IL1RAPL1: variants seen among roughly 807,000 people sequenced by gnomAD.
IL1RAPL1 encodes interleukin-1 receptor accessory protein-like 1.
A neutral mutation model predicts 48.4 loss-of-function variants in IL1RAPL1; 3 were observed. The observed-to-expected ratio is 0.06, with a 90% CI of 0.03 to 0.16. The LOEUF (loss-of-function observed/expected upper bound fraction) is 0.16, where lower values mean the gene tolerates loss of function less well. IL1RAPL1 is among the 10% of genes least tolerant of loss of function. The probability of loss-of-function intolerance (pLI) is 1.00; values close to 1 mark genes in which losing one functional copy is unlikely to be tolerated. For missense variants in IL1RAPL1, 349 were observed against 530.6 expected (o/e 0.66, Z 3.36); for synonymous variants, 185 against 187.7 (o/e 0.99, Z 0.12).
At chrX:29,000,860 A>T (rs1174672398) in intron 2 of IL1RAPL1, among the ~76,000 whole-genome samples, 1 of 101,582 alleles carries the variant, frequency 9.8e-6, no homozygotes. Flanking sequence ...AAAGGAGACT[A>T]TTTCTCAGTA....
At chrX:28,709,511 G>A (rs915916598) in intron 1 of IL1RAPL1, among the ~76,000 whole-genome samples, 13 of 110,898 alleles carry the variant, frequency 1.2e-4, no homozygotes, top group African/African-American at 3.6e-4. Flanking sequence ...AGAATTGCCA[G>A]TTTTATCAGA....
intron 2 of IL1RAPL1, among the ~76,000 whole-genome samples, chrX:28,891,708 G>A (rs756637096): frequency 9.0e-6 from 1 of 111,637 alleles, no homozygotes; most frequent in South Asian, 3.7e-4. Flanking sequence ...TCCACCTCTT[G>A]GTTATTATGA....
intron 2 of IL1RAPL1, among the ~76,000 whole-genome samples, chrX:28,832,328 C>T (rs1002974658): frequency 9.9e-5 from 11 of 110,987 alleles, no homozygotes; most frequent in South Asian, 3.8e-4. Context: ...TTTATTTACT[C>T]GAAGTACTCT....
intron 2 of IL1RAPL1, among the ~76,000 whole-genome samples, chrX:29,211,734 C>T (rs898302710): frequency 6.3e-5 from 7 of 110,774 alleles, no homozygotes; most frequent in African/African-American, 1.0e-4. Flanking sequence ...ATTCCTAATC[C>T]GTACGAGACT....
chrX:29,478,721 A>T (rs1457132368), intron 5 of IL1RAPL1, among the ~76,000 whole-genome samples: 1 of 110,781 alleles, frequency 9.0e-6, no homozygotes, highest in Non-Finnish European at 1.9e-5. Flanking sequence ...CTCCACTGCG[A>T]TGACTGCCTT....
intron 6 of IL1RAPL1, among the ~76,000 whole-genome samples, chrX:29,705,081 A>C (rs1927157298): frequency 8.9e-6 from 1 of 112,014 alleles, no homozygotes; most frequent in Admixed American, 9.5e-5. Flanking sequence ...AATATTAATA[A>C]ATTTACTATG....
intron 1 of IL1RAPL1, among the ~76,000 whole-genome samples, chrX:28,768,625 A>G (rs985024328): frequency 9.6e-5 from 10 of 104,411 alleles, no homozygotes; most frequent in African/African-American, 3.1e-4. Flanking sequence ...TGAAATTCCT[A>G]ATCAATGTAA....
At chrX:28,613,865 A>T (rs1244241782) in intron 1 of IL1RAPL1, among the ~76,000 whole-genome samples, 1 of 112,285 alleles carries the variant, frequency 8.9e-6, no homozygotes, top group Non-Finnish European at 1.9e-5. Flanking sequence ...ATTAATTTTA[A>T]CTCTGAGAGA....
intron 2 of IL1RAPL1, among the ~76,000 whole-genome samples, chrX:29,262,563 T>C (rs1931878678): frequency 9.1e-6 from 1 of 109,295 alleles, no homozygotes; most frequent in East Asian, 2.9e-4. Context: ...CTCGGGAGGC[T>C]GAAGCAGGAG....
chrX:29,553,847 A>ATAC (rs1239719832), intron 5 of IL1RAPL1, among the ~76,000 whole-genome samples: 1 of 110,983 alleles, frequency 9.0e-6, no homozygotes, highest in Admixed American at 9.6e-5. Flanking sequence ...TCTGACTCTC[A>ATAC]TACTAATCCA....
intron 5 of IL1RAPL1, among the ~76,000 whole-genome samples, chrX:29,506,495 C>T (rs1273330777): frequency 2.0e-5 from 2 of 99,862 alleles, no homozygotes; most frequent in East Asian, 3.2e-4. Context: ...TTTGTGCGTG[C>T]GTGCATGTAT....
intron 10 of IL1RAPL1, 27 bp from the exon 11 acceptor site, chrX:29,955,075 T>G (rs1404959714): frequency 8.6e-7 from 1 of 1,161,401 alleles, no homozygotes; most frequent in Admixed American, 2.2e-5. Context: ...ATTCACTCAT[T>G]TTGATGCACT....
chrX:29,297,713 C>T (rs749137736), intron 3 of IL1RAPL1, among the ~76,000 whole-genome samples: 23 of 111,982 alleles, frequency 2.1e-4, no homozygotes, highest in African/African-American at 6.8e-4. Context: ...TACTGAAAAT[C>T]GAGCTGGATC....
At chrX:29,734,828 T>G in intron 6 of IL1RAPL1, among the ~76,000 whole-genome samples, 1 of 111,035 alleles carries the variant, frequency 9.0e-6, no homozygotes, top group Admixed American at 9.6e-5. Flanking sequence ...AAACCTAAGG[T>G]TGTATGAGAG....
intron 6 of IL1RAPL1, among the ~76,000 whole-genome samples, chrX:29,863,642 A>T (rs1931635563): frequency 8.9e-6 from 1 of 112,228 alleles, no homozygotes. Flanking sequence ...AATAAAAAAG[A>T]TACTTTTCCA....
At chrX:29,531,455 G>A (rs1330456462) in intron 5 of IL1RAPL1, among the ~76,000 whole-genome samples, 1 of 111,494 alleles carries the variant, frequency 9.0e-6, no homozygotes, top group Non-Finnish European at 1.9e-5. Flanking sequence ...AATTGCATGA[G>A]CTAGATTTGG....
chrX:29,615,544 A>G (rs753645857), intron 5 of IL1RAPL1, among the ~76,000 whole-genome samples: 1 of 111,231 alleles, frequency 9.0e-6, no homozygotes, highest in African/African-American at 3.3e-5. Flanking sequence ...AAAGGCTTTC[A>G]ACAATTCTTG....
Position 29,057,444 on chromosome X carries a change from T to G in IL1RAPL1, c.83-225494T>G, listed in dbSNP as rs776996151. Among the ~76,000 whole-genome samples, 471 of 110,085 alleles carry G rather than the reference T, an allele frequency of 4.3e-3. 5 individuals are homozygous for G. Among genetic ancestry groups the G allele is most frequent in the African/African-American group, 0.015 (444 of 30,220 alleles). On this transcript the variant is annotated intron_variant, in intron 2 of 10. Coordinates refer to ENST00000378993, the MANE Select transcript of IL1RAPL1 (RefSeq NM_014271.4). The stretch of plus-strand genomic sequence containing the variant: ...TTTTTTTTTCTTTTTTTTTCTTTTT[T>G]TTGAGACAGAGTTTCGCTCGTCACC...
At chrX:29,384,162 C>G (rs780836112) in intron 3 of IL1RAPL1, among the ~76,000 whole-genome samples, 1 of 111,790 alleles carries the variant, frequency 8.9e-6, no homozygotes, top group African/African-American at 3.3e-5. Flanking sequence ...CCAGATAGTT[C>G]AGTAGAAGAA....
Sources: allele counts gnomAD v4.1 joint callset (sites outside exome capture counted in the v4.1 genomes callset), GRCh38; gene constraint gnomAD v4.1.1; transcripts MANE v1.5; gene names NCBI Gene and HGNC (gene_info 2026-07-23, HGNC 2026-07-21).